TMEM182: variants seen among roughly 807,000 people sequenced by gnomAD.
TMEM182 encodes transmembrane protein 182.
A neutral mutation model predicts 26.8 loss-of-function variants in TMEM182; 20 were observed. The ratio of observed to expected loss-of-function variants is 0.75; its 90% CI spans 0.53 to 1.09. The LOEUF is 1.09. Ranked by LOEUF, TMEM182 falls within the 50% of genes least tolerant of loss-of-function variation. The probability of loss-of-function intolerance (pLI) is 0.00; values close to 1 mark genes in which losing one functional copy is unlikely to be tolerated. For missense variants in TMEM182, 277 were observed against 275.5 expected (o/e 1.01, Z -0.04); for synonymous variants, 109 against 102.2 (o/e 1.07, Z -0.40).
In TMEM182 at chr2:102,817,413, G is replaced by A. The variant is rs1682793308; in HGVS notation, c.*2445G>A. The A allele has an allele frequency of 1.0e-6, 1 of 985,284 alleles. No individual in the cohort carries two copies. Among genetic ancestry groups the A allele is most frequent in the Non-Finnish European group, 1.2e-6 (1 of 829,916 alleles). The allele number at this position is 985,284 out of a possible 1,614,324, so 61.0% of individuals were successfully genotyped here. A position where few individuals can be genotyped will look rare whatever the true frequency, so the allele number is the denominator to read the frequency against. On this transcript the variant is annotated 3_prime_UTR_variant, in exon 5 of 5. Coordinates refer to ENST00000412401, the MANE Select transcript of TMEM182 (RefSeq NM_144632.5). ...AGTGAGTTATGCTCTTGGACTTGGT[G>A]AAAGCTATCATCTCTCCATATTGTA...
intron 3 of TMEM182, among the ~76,000 whole-genome samples, chr2:102,837,066 A>C (rs927576944): frequency 6.6e-6 from 1 of 151,740 alleles, no homozygotes. Context: ...TTATTATGGT[A>C]CCTCCCTCCA....
At chr2:102,776,306 C>T (rs1259488289) in intron 3 of TMEM182, among the ~76,000 whole-genome samples, 2 of 152,094 alleles carry the variant, frequency 1.3e-5, no homozygotes, top group African/African-American at 4.8e-5. Flanking sequence ...CCTAAAAATC[C>T]TCGGTGTACT....
At chr2:102,808,303 C>T (rs1296751836) in intron 4 of TMEM182, among the ~76,000 whole-genome samples, 2 of 152,148 alleles carry the variant, frequency 1.3e-5, no homozygotes, top group Non-Finnish European at 2.9e-5. Flanking sequence ...TTCCAATCTC[C>T]TACAATAATT....
intron 3 of TMEM182, among the ~76,000 whole-genome samples, chr2:102,834,090 A>G (rs961649316): frequency 6.6e-6 from 1 of 152,210 alleles, no homozygotes; most frequent in African/African-American, 2.4e-5. Context: ...ATCTTGAGCA[A>G]GGATTCAGTG....
chr2:102,756,586 G>A (rs553680745), intron 1 of TMEM182, among the ~76,000 whole-genome samples: 2 of 140,264 alleles, frequency 1.4e-5, no homozygotes, highest in South Asian at 5.3e-4. Context: ...GTGCGTGCCT[G>A]TAGTGTCAGC....
chr2:102,807,750 C>T (rs1408732859), intron 4 of TMEM182, among the ~76,000 whole-genome samples: 1 of 152,146 alleles, frequency 6.6e-6, no homozygotes, highest in African/African-American at 2.4e-5. Context: ...CCTCATATTT[C>T]GTCCTTTAGC....
intron 3 of TMEM182, among the ~76,000 whole-genome samples, chr2:102,838,587 G>T (rs571820074): frequency 6.6e-6 from 1 of 152,158 alleles, no homozygotes; most frequent in African/African-American, 2.4e-5. Context: ...CTAATGGGGT[G>T]CCCCTTTCAT....
intron 1 of TMEM182, among the ~76,000 whole-genome samples, chr2:102,737,569 A>G (rs973421685): frequency 2.0e-5 from 3 of 152,214 alleles, no homozygotes; most frequent in Non-Finnish European, 4.4e-5. Flanking sequence ...AGGAGGTGAC[A>G]TGTAAGCTGA....
intron 3 of TMEM182, among the ~76,000 whole-genome samples, chr2:102,770,892 G>A (rs1680644425): frequency 6.6e-6 from 1 of 152,160 alleles, no homozygotes; most frequent in African/African-American, 2.4e-5. Context: ...AAACAGCACA[G>A]GAAGAATTAA....
rs950013269 is a variant in TMEM182, at chr2:102,815,139, C to G, written c.*171C>G. On this transcript the variant is annotated 3_prime_UTR_variant, in exon 5 of 5. Coordinates refer to ENST00000412401, the MANE Select transcript of TMEM182 (RefSeq NM_144632.5). Reference sequence around the variant, plus strand: ...TCAGTAAGAAGGTCCTAGAATCTCTCCAGACACCAGCAAGCCTCTATCTTG... The same window carrying G: ...TCAGTAAGAAGGTCCTAGAATCTCTGCAGACACCAGCAAGCCTCTATCTTG... 7.0e-7 allele frequency: 1 copy of G among 1,425,570 alleles called. No homozygotes were observed. The highest frequency in any genetic ancestry group is 9.1e-7 in the Non-Finnish European group (1 of 1,097,226). 88.3% of individuals were successfully genotyped at this position (1,425,570 alleles called of 1,614,324 possible). A position where few individuals can be genotyped will look rare whatever the true frequency, so the allele number is the denominator to read the frequency against.
At chr2:102,829,633 G>A (rs1446008412) in intron 3 of TMEM182, among the ~76,000 whole-genome samples, 1 of 152,164 alleles carries the variant, frequency 6.6e-6, no homozygotes, top group South Asian at 2.1e-4. Context: ...AAGTATAGGA[G>A]CTTTTGCCAG....
At chr2:102,839,278 G>C (rs1049972608) in intron 3 of TMEM182, among the ~76,000 whole-genome samples, 1 of 152,026 alleles carries the variant, frequency 6.6e-6, no homozygotes, top group Non-Finnish European at 1.5e-5. Flanking sequence ...GGACTGAAAT[G>C]CTTGGAAAAG....
upstream of TMEM182, chr2:102,758,475 T>G: frequency 1.4e-6 from 1 of 717,182 alleles, no homozygotes; most frequent in Non-Finnish European, 2.6e-6. Flanking sequence ...TCCTCCATGG[T>G]AAGCTCCATT....
downstream of TMEM182, chr2:102,817,726 T>C (rs1011167965): frequency 1.1e-5 from 11 of 982,884 alleles, no homozygotes; most frequent in African/African-American, 1.9e-4. Flanking sequence ...CTATCATCAA[T>C]ATATATGGGT....
chr2:102,787,449 A>G (rs1190795897), intron 3 of TMEM182, among the ~76,000 whole-genome samples: 1 of 152,166 alleles, frequency 6.6e-6, no homozygotes. Flanking sequence ...AACCTCATCT[A>G]AATTTATTTA....
chr2:102,788,841 T>C (rs996482584), intron 3 of TMEM182, among the ~76,000 whole-genome samples: 11 of 152,160 alleles, frequency 7.2e-5, no homozygotes, highest in African/African-American at 2.7e-4. Flanking sequence ...TCAGAGTTCT[T>C]AGCGTCCAGA....
At chr2:102,736,965 G>C in exon 1 of TMEM182, 1 of 859,140 alleles carries the variant, frequency 1.2e-6, no homozygotes, top group Non-Finnish European at 1.7e-6. Flanking sequence ...GGTGCTGGCT[G>C]GGAGTTCTGG....
chr2:102,753,957 T>A (rs561241917), intron 1 of TMEM182, among the ~76,000 whole-genome samples: 5 of 152,314 alleles, frequency 3.3e-5, no homozygotes, highest in Admixed American at 1.3e-4. Context: ...CTGAAAATGC[T>A]TACAATATGA....
intron 3 of TMEM182, among the ~76,000 whole-genome samples, chr2:102,829,817 T>C (rs1489178168): frequency 2.0e-5 from 3 of 152,168 alleles, no homozygotes; most frequent in African/African-American, 7.2e-5. Flanking sequence ...GGCTTTCCCT[T>C]CTTGCATCAC....
Sources: allele counts gnomAD v4.1 joint callset (sites outside exome capture counted in the v4.1 genomes callset), GRCh38; gene constraint gnomAD v4.1.1; transcripts MANE v1.5; gene names NCBI Gene and HGNC (gene_info 2026-07-23, HGNC 2026-07-21).